STX8: variants seen among roughly 807,000 people sequenced by gnomAD.
The protein encoded by STX8 is syntaxin-8.
STX8 carries 23 observed loss-of-function variants against 37.5 expected under a neutral mutation model. The observed-to-expected ratio is 0.61, with a 90% CI of 0.44 to 0.87. STX8 has a LOEUF of 0.87. STX8 is among the 40% of genes least tolerant of loss of function. STX8 has a pLI of 0.00. For missense variants in STX8, 313 were observed against 284.7 expected, an observed-to-expected ratio of 1.10 and a Z score of -0.71; for synonymous variants, 115 against 99.1, an observed-to-expected ratio of 1.16 and a Z score of -0.95.
At chr17:9,515,989 C>T (rs1232010115) in intron 4 of STX8, among the ~76,000 whole-genome samples, 1 of 152,066 alleles carries the variant, frequency 6.6e-6, no homozygotes. Context: ...TATCCCAACT[C>T]TCATATCATC....
chr17:9,292,291 G>A (rs182838534), intron 7 of STX8, among the ~76,000 whole-genome samples: 40 of 152,364 alleles, frequency 2.6e-4, no homozygotes, highest in African/African-American at 8.2e-4. Flanking sequence ...GGTCTCCACC[G>A]TGGGGCCTGT....
intron 6 of STX8, among the ~76,000 whole-genome samples, chr17:9,430,580 T>C (rs1049970541): frequency 2.6e-5 from 4 of 152,054 alleles, no homozygotes; most frequent in African/African-American, 9.7e-5. Flanking sequence ...TAATAGACCA[T>C]TTTAAGTACA....
chr17:9,511,259 A>C (rs1905010756), intron 4 of STX8, among the ~76,000 whole-genome samples: 1 of 152,174 alleles, frequency 6.6e-6, no homozygotes, highest in Non-Finnish European at 1.5e-5. Flanking sequence ...ACTCATGCTA[A>C]GAGGCCAGAA....
chr17:9,283,934 G>A (rs904179181), intron 7 of STX8, among the ~76,000 whole-genome samples: 5 of 152,190 alleles, frequency 3.3e-5, no homozygotes, highest in Non-Finnish European at 7.4e-5. Context: ...TTTTACTGTG[G>A]TGTATTTCCT....
intron 6 of STX8, among the ~76,000 whole-genome samples, chr17:9,455,802 C>G (rs1905170543): frequency 6.6e-6 from 1 of 152,114 alleles, no homozygotes; most frequent in African/African-American, 2.4e-5. Flanking sequence ...ACAAAGTGGG[C>G]TAACTCTGTA....
intron 6 of STX8, among the ~76,000 whole-genome samples, chr17:9,397,176 T>C (rs905794592): frequency 6.6e-6 from 1 of 152,162 alleles, no homozygotes; most frequent in Non-Finnish European, 1.5e-5. Context: ...GGCAGGCAGA[T>C]CACGACGTCA....
chr17:9,566,826 T>G (rs886966638), intron 2 of STX8, among the ~76,000 whole-genome samples: 5 of 152,136 alleles, frequency 3.3e-5, no homozygotes, highest in African/African-American at 1.2e-4. Context: ...TGCATGTGTA[T>G]GTTCACTGCA....
chr17:9,468,797 G>A (rs915987057), intron 6 of STX8, among the ~76,000 whole-genome samples: 2 of 152,160 alleles, frequency 1.3e-5, no homozygotes, highest in African/African-American at 2.4e-5. Context: ...TGAATTCAAC[G>A]TGGGACAATC....
At chr17:9,345,212 G>A (rs992289976) in intron 7 of STX8, among the ~76,000 whole-genome samples, 4 of 151,774 alleles carry the variant, frequency 2.6e-5, no homozygotes, top group Non-Finnish European at 5.9e-5. Flanking sequence ...GTGCCACGGT[G>A]CAATCTCAGC....
chr17:9,558,817 C>T (rs1187774953), intron 2 of STX8, among the ~76,000 whole-genome samples: 8 of 147,212 alleles, frequency 5.4e-5, no homozygotes, highest in Non-Finnish European at 3.0e-5. Flanking sequence ...AGCGAGACTC[C>T]GTCTCAAAAA....
chr17:9,338,676 CTATTTCAGGATCA>C (rs1910223679), intron 7 of STX8, among the ~76,000 whole-genome samples: 1 of 152,194 alleles, frequency 6.6e-6, no homozygotes, highest in South Asian at 2.1e-4. Context: ...CAAGGACCAC[CTATTTCAGGATCA>C]TCTGAGGGTA....
At chr17:9,370,082 A>G (rs1911358168) in intron 7 of STX8, among the ~76,000 whole-genome samples, 1 of 151,064 alleles carries the variant, frequency 6.6e-6, no homozygotes, top group Non-Finnish European at 1.5e-5. Flanking sequence ...AGGCATGGTG[A>G]TACACACCTG....
At chr17:9,404,571 C>T (rs1912742009) in intron 6 of STX8, among the ~76,000 whole-genome samples, 1 of 152,114 alleles carries the variant, frequency 6.6e-6, no homozygotes, top group Admixed American at 6.5e-5. Flanking sequence ...TCTCCTGCCT[C>T]AGCCTCCCGA....
At chr17:9,384,195 C>A (rs1911914120) in intron 6 of STX8, among the ~76,000 whole-genome samples, 3 of 149,886 alleles carry the variant, frequency 2.0e-5, no homozygotes, top group Admixed American at 2.0e-4. Context: ...GATACTGGTT[C>A]ATTTTTTTTT....
At chr17:9,463,673 C>T (rs186876092) in intron 6 of STX8, among the ~76,000 whole-genome samples, 134 of 152,166 alleles carry the variant, frequency 8.8e-4, no homozygotes, top group Non-Finnish European at 1.6e-3. Context: ...TTTGGGAGGC[C>T]GAGCTGGGCG....
rs866689892 is a variant in STX8, at chr17:9,387,634, A to G, written c.542-8981T>C. Among the ~76,000 whole-genome samples, 6 of 152,256 alleles carry G rather than the reference A, an allele frequency of 3.9e-5. 1 individual carries two copies. Among genetic ancestry groups the G allele is most frequent in the Middle Eastern group, 6.8e-3 (2 of 294 alleles). On this transcript the variant is annotated intron_variant, in intron 6 of 7. Transcript: ENST00000306357. ...TATGATCTGTGCCTCATTCTCTATC[A>G]AGACAGTCCACAGTAACAATCATGC...
intron 7 of STX8, among the ~76,000 whole-genome samples, chr17:9,301,480 T>C (rs904100564): frequency 2.6e-5 from 4 of 151,256 alleles, no homozygotes; most frequent in Non-Finnish European, 5.9e-5. Flanking sequence ...TTTATTTATT[T>C]ATTTATTTAT....
At chr17:9,535,799 T>A (rs1906025248) in intron 4 of STX8, among the ~76,000 whole-genome samples, 1 of 152,168 alleles carries the variant, frequency 6.6e-6, no homozygotes, top group Non-Finnish European at 1.5e-5. Flanking sequence ...CCCTCTACTA[T>A]ATTTTTGTAA....
chr17:9,366,287 A>C (rs2142266264), intron 7 of STX8, among the ~76,000 whole-genome samples: 1 of 152,292 alleles, frequency 6.6e-6, no homozygotes, highest in East Asian at 1.9e-4. Context: ...GCAGGAGTGC[A>C]GTGGCATGAT....
Sources: gnomAD v4.1 joint callset for allele counts (sites outside exome capture counted in the v4.1 genomes callset) on GRCh38, gnomAD v4.1.1 for gene constraint, MANE v1.5 for transcripts, NCBI Gene and HGNC (gene_info 2026-07-23, HGNC 2026-07-21) for gene names.